Variants in JAK1 observed in about 807,000 individuals in gnomAD.
JAK1 encodes Janus kinase 1.
In JAK1, 16 loss-of-function variants were observed where a neutral mutation model predicts 136.6. The observed-to-expected ratio is 0.12, with a 90% CI of 0.08 to 0.18. The LOEUF is 0.18. Ranked by LOEUF, JAK1 falls within the 10% of genes least tolerant of loss-of-function variation. The pLI, the probability that JAK1 is intolerant of heterozygous loss-of-function variation, is 1.00. For missense variants in JAK1, 859 were observed against 1,450.1 expected, an observed-to-expected ratio of 0.59 and a Z score of 6.62; for synonymous variants, 492 against 519.5, an observed-to-expected ratio of 0.95 and a Z score of 0.72.
rs745715559 is a variant in JAK1, at chr1:64,839,810, G to A, written c.2650-15C>T. 1.3e-5 allele frequency: 20 copies of A among 1,592,668 alleles called. No homozygotes were observed. Among genetic ancestry groups the A allele is most frequent in the Non-Finnish European group, 1.6e-5 (19 of 1,168,520 alleles). Reference sequence around the variant, plus strand: ...CCAAAGTGGCCCTGGAGGGAAAGATGCATGTGCTGTTATCAGGGAAGCCCC... The same window carrying A: ...CCAAAGTGGCCCTGGAGGGAAAGATACATGTGCTGTTATCAGGGAAGCCCC... On this transcript the variant is annotated splice_polypyrimidine_tract_variant and intron_variant, in intron 19 of 24. Transcript: ENST00000342505.
At chr1:64,952,161 T>A (rs1162591902) in intron 1 of JAK1, among the ~76,000 whole-genome samples, 1 of 152,176 alleles carries the variant, frequency 6.6e-6, no homozygotes, top group East Asian at 1.9e-4. Context: ...GAACCATAAG[T>A]GATTTTGCCA....
chr1:65,039,758 C>T (rs1647112975), intron 2 of JAK1, among the ~76,000 whole-genome samples: 1 of 152,198 alleles, frequency 6.6e-6, no homozygotes, highest in Non-Finnish European at 1.5e-5. Flanking sequence ...TTCTCCGACA[C>T]AGCCATTGCC....
chr1:64,984,871 TG>T lies in JAK1; in HGVS notation c.-78+59608del. 8.4e-7 allele frequency: 1 copy of T among 1,190,374 alleles called. No homozygotes were observed. Among genetic ancestry groups the T allele is most frequent in the Non-Finnish European group, 1.3e-6 (1 of 797,640 alleles). The allele number at this position is 1,190,374 out of a possible 1,614,324, so 73.7% of individuals were successfully genotyped here. A position where few individuals can be genotyped will look rare whatever the true frequency, so the allele number is the denominator to read the frequency against. ...CTGACTAGGAAGTTGGAGGTCCAGG[TG>T]GAGCAGCCGGCCACTGCCATCACAG... On this transcript the variant is annotated intron_variant, in intron 2 of 25. Coordinates refer to the JAK1 transcript ENST00000671954. The surrounding 1 kb of genome is among the most constrained non-coding windows in gnomAD (Gnocchi z 4.1).
In JAK1 at chr1:64,964,970, CAG is replaced by C. The variant is rs757169964; in HGVS notation, c.-78+1361_-78+1362del. Among the ~76,000 whole-genome samples the C allele has an allele frequency of 5.9e-5, 9 of 152,270 alleles. No homozygotes were observed. In the East Asian group the frequency reaches 1.2e-3, roughly 20 times the overall value. On this transcript the variant is annotated intron_variant, in intron 1 of 24. Coordinates refer to ENST00000342505, the MANE Select transcript of JAK1 (RefSeq NM_002227.4). Reference sequence around the variant, plus strand: ...ATAATCCCCTGGTCTTGGAAAACATCAGAGTCACCAAAAGCAAAATCAAGAAA... The same window carrying C: ...ATAATCCCCTGGTCTTGGAAAACATCAGTCACCAAAAGCAAAATCAAGAAA...
chr1:64,897,627 C>G (rs1645043557), intron 1 of JAK1, among the ~76,000 whole-genome samples: 1 of 144,562 alleles, frequency 6.9e-6, no homozygotes, highest in South Asian at 2.2e-4. Flanking sequence ...GAAGACTAAA[C>G]AGGTTTGTGT....
intron 2 of JAK1, among the ~76,000 whole-genome samples, chr1:64,981,176 G>T (rs976537484): frequency 6.6e-6 from 1 of 152,184 alleles, no homozygotes; most frequent in Admixed American, 6.5e-5. Context: ...AACCCACAGG[G>T]CTATGAAGGG....
At chr1:64,957,357 G>C (rs981752348) in intron 1 of JAK1, among the ~76,000 whole-genome samples, 2 of 152,200 alleles carry the variant, frequency 1.3e-5, no homozygotes, top group East Asian at 1.9e-4. Context: ...TGCTTGACCA[G>C]GTTCCTTCCT....
intron 1 of JAK1, among the ~76,000 whole-genome samples, chr1:65,063,837 A>G (rs577281639): frequency 1.0e-4 from 15 of 150,488 alleles, no homozygotes; most frequent in Non-Finnish European, 1.9e-4. Context: ...AGAAAAAAAG[A>G]AAAGAAATTA....
chr1:65,018,549 C>T (rs1052393028), intron 2 of JAK1, among the ~76,000 whole-genome samples: 2 of 151,584 alleles, frequency 1.3e-5, no homozygotes, highest in African/African-American at 2.4e-5. Flanking sequence ...GATATTACTC[C>T]AGATGTTGTA....
At chr1:65,005,923 T>A (rs1160049581) in intron 2 of JAK1, among the ~76,000 whole-genome samples, 1 of 151,536 alleles carries the variant, frequency 6.6e-6, no homozygotes, top group Non-Finnish European at 1.5e-5. Flanking sequence ...GATATTAAAA[T>A]TTTAAAAGTC....
chr1:64,906,808 T>C lies in JAK1; in HGVS notation c.-77-20467A>G, dbSNP rs1645196875. Among the ~76,000 whole-genome samples the C allele has an allele frequency of 3.9e-5, 6 of 152,190 alleles. No homozygotes were observed. In the South Asian group the frequency reaches 1.2e-3, roughly 32 times the overall value. ...AAGCCAGGTCTTGAACCCAGATCTT[T>C]AGAAATATAGGGAAGGACTGTTTCT... On this transcript the variant is annotated intron_variant, in intron 1 of 24. Coordinates refer to ENST00000342505, the MANE Select transcript of JAK1 (RefSeq NM_002227.4).
upstream of JAK1, among the ~76,000 whole-genome samples, chr1:64,966,994 A>G (rs892821281): frequency 5.3e-5 from 8 of 151,870 alleles, no homozygotes; most frequent in Non-Finnish European, 1.0e-4. Flanking sequence ...GAATTTAACA[A>G]TACAGCCCCC....
intron 2 of JAK1, among the ~76,000 whole-genome samples, chr1:65,027,442 A>C (rs1193399861): frequency 6.6e-6 from 1 of 152,152 alleles, no homozygotes; most frequent in African/African-American, 2.4e-5. Flanking sequence ...TGCCGGCAGA[A>C]GAAGCAGAGC....
At chr1:65,041,405 G>A (rs145042257) in intron 2 of JAK1, among the ~76,000 whole-genome samples, 1 of 152,246 alleles carries the variant, frequency 6.6e-6, no homozygotes, top group East Asian at 1.9e-4. Flanking sequence ...TGGAGTCTGA[G>A]GAAAGAGCCA....
intron 1 of JAK1, among the ~76,000 whole-genome samples, chr1:65,065,406 A>C (rs1647994482): frequency 6.6e-6 from 1 of 152,174 alleles, no homozygotes. Context: ...ATAAATGAAA[A>C]GACTGAGAAA....
intron 4 of JAK1, among the ~76,000 whole-genome samples, chr1:64,875,390 C>T (rs977710299): frequency 1.3e-5 from 2 of 152,232 alleles, no homozygotes; most frequent in Non-Finnish European, 2.9e-5. Context: ...CAGAGAGAAG[C>T]AGATGCCTGT....
chr1:64,951,650 T>A (rs1052907579), intron 1 of JAK1, among the ~76,000 whole-genome samples: 38 of 3,326 alleles, frequency 0.011, no homozygotes, highest in African/African-American at 0.021. Context: ...AAGTTCTGCC[T>A]TTTTTTTTTT....
At chr1:64,997,120 T>C (rs1360862565) in intron 2 of JAK1, among the ~76,000 whole-genome samples, 1 of 152,194 alleles carries the variant, frequency 6.6e-6, no homozygotes, top group Non-Finnish European at 1.5e-5. Flanking sequence ...CCCAGGCAAC[T>C]AGTAAAAGTA....
chr1:64,893,498 C>T (rs1361190659), intron 1 of JAK1, among the ~76,000 whole-genome samples: 1 of 152,168 alleles, frequency 6.6e-6, no homozygotes, highest in Non-Finnish European at 1.5e-5. Context: ...GCTCTAACAC[C>T]CACTGTCTGA....
Sources: allele counts gnomAD v4.1 joint callset (sites outside exome capture counted in the v4.1 genomes callset), GRCh38; gene constraint gnomAD v4.1.1; non-coding constraint Gnocchi (gnomAD v3.1); transcripts MANE v1.5; gene names NCBI Gene and HGNC (gene_info 2026-07-23, HGNC 2026-07-21).